The following PCBP3 variants were observed in gnomAD, a reference collection of about 807,000 sequenced individuals.
PCBP3 encodes the protein poly(rC)-binding protein 3.
A neutral mutation model predicts 52.7 loss-of-function variants in PCBP3; 25 were observed. The observed-to-expected ratio is 0.47, with a 90% confidence interval of 0.35 to 0.66. PCBP3 has a LOEUF of 0.66. Among genes scored for constraint, PCBP3 ranks in the 30% least tolerant of loss-of-function variants. The pLI, the probability that PCBP3 is intolerant of heterozygous loss-of-function variation, is 0.01. For synonymous variants in PCBP3, 162 were observed against 183.0 expected (o/e 0.89, Z 0.93); for missense variants, 391 against 490.3 (o/e 0.80, Z 1.91).
chr21:45,655,787 T>C (rs575116817), intron 1 of PCBP3, among the ~76,000 whole-genome samples: 2 of 152,098 alleles, frequency 1.3e-5, no homozygotes, highest in South Asian at 4.1e-4. Flanking sequence ...ATCCAGAGCC[T>C]ACAAAGTACT....
At chr21:45,842,287 C>A (rs1427909907) in intron 4 of PCBP3, among the ~76,000 whole-genome samples, 1 of 152,224 alleles carries the variant, frequency 6.6e-6, no homozygotes, top group Admixed American at 6.5e-5. Flanking sequence ...TCTCCATTTG[C>A]TCTCAGGATA....
In PCBP3 at chr21:45,830,049, C is replaced by T. The variant is rs1340518010; in HGVS notation, c.-125-19912C>T. ...CAGGGTAGTGGCCTCCCTGGGCCTC[C>T]AAGAGCCATGTTTCCCTAGGCAAGT... On this transcript the variant is annotated intron_variant, in intron 4 of 17. Transcript: ENST00000681687. This position sits in a 1 kb window ranked among gnomAD's most constrained non-coding sequence, Gnocchi z 4.4. 1 of 152,716 alleles carries T rather than the reference C, an allele frequency of 6.5e-6. No homozygotes were observed. Among genetic ancestry groups the T allele is most frequent in the Non-Finnish European group, 1.5e-5 (1 of 68,090 alleles). The allele number at this position is 152,716 out of a possible 1,614,324, so 9.5% of individuals were successfully genotyped here.
intron 4 of PCBP3, among the ~76,000 whole-genome samples, chr21:45,804,202 T>C (rs1377927948): frequency 2.6e-5 from 4 of 152,246 alleles, no homozygotes; most frequent in Admixed American, 6.5e-5. Context: ...GGTTCCCTCC[T>C]GTGCACCGGG....
chr21:45,737,124 G>T lies in PCBP3; in HGVS notation c.-162+1695G>T, dbSNP rs987619965. The stretch of plus-strand genomic sequence containing the variant: ...GCGGGGCAGGAGGTGAGAGTGCCGC[G>T]GGTTAGGAGGTGAGGGTGCAGCTGG... On this transcript the variant is annotated intron_variant, in intron 3 of 17. Transcript: ENST00000681687. This position sits in a 1 kb window ranked among gnomAD's most constrained non-coding sequence, Gnocchi z 4.9. Among the ~76,000 whole-genome samples, 1 of 152,032 alleles carries T rather than the reference G, an allele frequency of 6.6e-6. No homozygotes were observed. The highest frequency in any genetic ancestry group is 1.5e-5 in the Non-Finnish European group (1 of 67,984).
chr21:45,813,640 C>T (rs901904619), intron 4 of PCBP3, among the ~76,000 whole-genome samples: 2 of 152,182 alleles, frequency 1.3e-5, no homozygotes, highest in Non-Finnish European at 2.9e-5. Flanking sequence ...GATGGGGTTT[C>T]ACCATGTTGG....
At chr21:45,765,730 A>G (rs2145641358) in intron 4 of PCBP3, among the ~76,000 whole-genome samples, 1 of 152,300 alleles carries the variant, frequency 6.6e-6, no homozygotes, top group South Asian at 2.1e-4. Flanking sequence ...GCTTCAGTTT[A>G]GGGCTATGGG....
At chr21:45,883,994 G>A (rs1603464982) in intron 5 of PCBP3, among the ~76,000 whole-genome samples, 1 of 152,146 alleles carries the variant, frequency 6.6e-6, no homozygotes, top group East Asian at 1.9e-4. Context: ...CTGGAGTGCA[G>A]TAGTGTGATC....
chr21:45,764,288 A>T (rs1331377965), intron 4 of PCBP3, among the ~76,000 whole-genome samples: 1 of 151,868 alleles, frequency 6.6e-6, no homozygotes, highest in East Asian at 1.9e-4. Context: ...ACGCCCGGCT[A>T]ATTATGTATT....
chr21:45,765,153 G>T (rs1169885857), intron 4 of PCBP3, among the ~76,000 whole-genome samples: 2 of 152,206 alleles, frequency 1.3e-5, no homozygotes, highest in Non-Finnish European at 2.9e-5. Context: ...GTGCCCTTTA[G>T]GGGAAGGTGG....
intron 4 of PCBP3, among the ~76,000 whole-genome samples, chr21:45,838,508 G>A (rs1243067109): frequency 6.6e-6 from 1 of 151,848 alleles, no homozygotes; most frequent in Admixed American, 6.6e-5. Flanking sequence ...ATAATTTAGT[G>A]AACAGAAATA....
chr21:45,835,748 T>C (rs942248068), intron 4 of PCBP3, among the ~76,000 whole-genome samples: 6 of 152,042 alleles, frequency 3.9e-5, no homozygotes, highest in Admixed American at 1.3e-4. Context: ...CCTGAGCCAT[T>C]TTCATCCAGG....
At chr21:45,930,749 G>C (rs767081156) in intron 14 of PCBP3, 37 bp from the exon 15 acceptor site, 1 of 970,004 alleles carries the variant, frequency 1.0e-6, no homozygotes, top group Admixed American at 1.7e-5. Flanking sequence ...TCTCCTTGAG[G>C]GCAAAACATT....
intron 2 of PCBP3, among the ~76,000 whole-genome samples, chr21:45,697,921 G>A (rs2082882959): frequency 6.6e-6 from 1 of 152,180 alleles, no homozygotes; most frequent in African/African-American, 2.4e-5. Flanking sequence ...TAAGTGGCCA[G>A]GGGTAGATAT....
At chr21:45,675,438 A>G (rs2147378434) in intron 2 of PCBP3, among the ~76,000 whole-genome samples, 1 of 152,318 alleles carries the variant, frequency 6.6e-6, no homozygotes, top group African/African-American at 2.4e-5. Context: ...AAAGAACCAG[A>G]TTGGACTATG....
intron 9 of PCBP3, among the ~76,000 whole-genome samples, chr21:45,905,497 G>A (rs147675602): frequency 2.0e-5 from 3 of 152,340 alleles, no homozygotes; most frequent in Admixed American, 6.5e-5. Flanking sequence ...CCAGGTCAGC[G>A]GCAGCACACT....
At chr21:45,907,837 G>T (rs960084094) in intron 9 of PCBP3, among the ~76,000 whole-genome samples, 2 of 151,452 alleles carry the variant, frequency 1.3e-5, no homozygotes, top group Non-Finnish European at 2.9e-5. Context: ...CGATGGAGGA[G>T]CTGGAAGGGA....
At chr21:45,725,239 CTGACCTCTGAGCAGA>C (rs374148990) in intron 2 of PCBP3, among the ~76,000 whole-genome samples, 174 of 152,154 alleles carry the variant, frequency 1.1e-3, no homozygotes, top group African/African-American at 3.4e-3. Flanking sequence ...GGGAAGTGCC[CTGACCTCTGAGCAGA>C]TGACCTCTGA....
At chr21:45,910,550 C>G (rs2096366781) in intron 10 of PCBP3, among the ~76,000 whole-genome samples, 1 of 152,184 alleles carries the variant, frequency 6.6e-6, no homozygotes, top group Non-Finnish European at 1.5e-5. Context: ...TTTCCCATGA[C>G]CAGAGTCCAC....
At chr21:45,838,811 G>C (rs1042734540) in intron 4 of PCBP3, among the ~76,000 whole-genome samples, 3 of 151,978 alleles carry the variant, frequency 2.0e-5, no homozygotes, top group Admixed American at 1.3e-4. Context: ...TGTGTTTTAA[G>C]GTCAGTGCCT....
Sources: allele counts gnomAD v4.1 joint callset (sites outside exome capture counted in the v4.1 genomes callset), GRCh38; gene constraint gnomAD v4.1.1; non-coding constraint Gnocchi (gnomAD v3.1); transcripts MANE v1.5; gene names NCBI Gene and HGNC (gene_info 2026-07-23, HGNC 2026-07-21).